The following CFAP90 variants were observed in gnomAD, a reference collection of about 807,000 sequenced individuals.
CFAP90 encodes the protein cilia and flagella associated protein 90.
chr5:7,849,214 G>T, the CFAP90 span, among the ~76,000 whole-genome samples: 1 of 152,316 alleles, frequency 6.6e-6, no homozygotes, highest in Non-Finnish European at 1.5e-5. Flanking sequence ...CTAGAAACAC[G>T]ATTGCTTCTG....
chr5:7,837,805 A>G, the CFAP90 span, among the ~76,000 whole-genome samples: 1 of 152,206 alleles, frequency 6.6e-6, no homozygotes, highest in Non-Finnish European at 1.5e-5. Flanking sequence ...CAACAGTAAC[A>G]TGTGTAAGGC....
chr5:7,846,476 T>A, the CFAP90 span, among the ~76,000 whole-genome samples: 1 of 152,154 alleles, frequency 6.6e-6, no homozygotes, highest in Admixed American at 6.5e-5. Context: ...CATGACACGT[T>A]CTCATTGTGT....
chr5:7,840,263 C>G, the CFAP90 span, among the ~76,000 whole-genome samples: 1 of 152,328 alleles, frequency 6.6e-6, no homozygotes, highest in African/African-American at 2.4e-5. Flanking sequence ...GTTTCCCTCA[C>G]AGTGACCTCC....
the CFAP90 span, among the ~76,000 whole-genome samples, chr5:7,847,754 G>A: frequency 6.6e-6 from 1 of 152,168 alleles, no homozygotes; most frequent in Non-Finnish European, 1.5e-5. Flanking sequence ...CCTTTGGTTA[G>A]TTTGGTCCCA....
At chr5:7,831,934 G>A in the CFAP90 span, 1 of 1,614,154 alleles carries the variant, frequency 6.2e-7, no homozygotes. Flanking sequence ...GCACATGGTT[G>A]GCACGGCCAA....
At chr5:7,832,932 G>T in the CFAP90 span, among the ~76,000 whole-genome samples, 3 of 152,202 alleles carry the variant, frequency 2.0e-5, no homozygotes, top group African/African-American at 7.2e-5. Flanking sequence ...TGCTGGTTAT[G>T]GTGGCTTGGT....
chr5:7,833,572 A>G, the CFAP90 span, among the ~76,000 whole-genome samples: 1 of 152,144 alleles, frequency 6.6e-6, no homozygotes, highest in Non-Finnish European at 1.5e-5. Flanking sequence ...ATATGCCCAC[A>G]CACAAACATA....
chr5:7,833,357 G>A, the CFAP90 span, among the ~76,000 whole-genome samples: 1 of 143,196 alleles, frequency 7.0e-6, no homozygotes, highest in Non-Finnish European at 1.5e-5. Flanking sequence ...ATATATACAT[G>A]TATTCACACA....
At chr5:7,850,845 C>T in the CFAP90 span, 3 of 1,272,474 alleles carry the variant, frequency 2.4e-6, no homozygotes. Flanking sequence ...CCCAGCCTTC[C>T]GGTCTCCGCG....
chr5:7,847,638 GT>G, the CFAP90 span, among the ~76,000 whole-genome samples: 2 of 152,168 alleles, frequency 1.3e-5, no homozygotes, highest in Non-Finnish European at 2.9e-5. Context: ...AGGAGCCTTG[GT>G]TTACTGACCC....
chr5:7,831,558 C>G, the CFAP90 span: 1 of 279,254 alleles, frequency 3.6e-6, no homozygotes, highest in East Asian at 6.1e-5. Context: ...TTCAGGTGCT[C>G]ACAATGAATC....
the CFAP90 span, among the ~76,000 whole-genome samples, chr5:7,843,539 CAG>C: frequency 2.0e-5 from 3 of 152,122 alleles, no homozygotes; most frequent in African/African-American, 7.2e-5. Context: ...TGTTCTGATT[CAG>C]AGAGTTCTAC....
the CFAP90 span, among the ~76,000 whole-genome samples, chr5:7,838,048 C>T: frequency 1.3e-5 from 2 of 152,210 alleles, no homozygotes; most frequent in African/African-American, 4.8e-5. Context: ...CTGATGGCAA[C>T]CTACCCTATA....
the CFAP90 span, among the ~76,000 whole-genome samples, chr5:7,840,034 A>G: frequency 6.6e-6 from 1 of 151,656 alleles, no homozygotes; most frequent in Non-Finnish European, 1.5e-5. Context: ...ACCAGTTGGG[A>G]TTTAGATGCT....
chr5:7,842,768 G>A, the CFAP90 span, among the ~76,000 whole-genome samples: 1 of 152,142 alleles, frequency 6.6e-6, no homozygotes, highest in Non-Finnish European at 1.5e-5. Flanking sequence ...GTGCACCTAT[G>A]TTTAACAACC....
At chr5:7,836,626 G>A in the CFAP90 span, among the ~76,000 whole-genome samples, 2 of 152,178 alleles carry the variant, frequency 1.3e-5, no homozygotes, top group African/African-American at 4.8e-5. Context: ...GCTTGGAGAA[G>A]ATACAATGGT....
chr5:7,848,970 G>A, the CFAP90 span, among the ~76,000 whole-genome samples: 1 of 152,084 alleles, frequency 6.6e-6, no homozygotes, highest in East Asian at 1.9e-4. Flanking sequence ...GTCTTTATTA[G>A]CAGTGTGAGA....
At chr5:7,843,301 G>T in the CFAP90 span, among the ~76,000 whole-genome samples, 1 of 152,142 alleles carries the variant, frequency 6.6e-6, no homozygotes, top group African/African-American at 2.4e-5. Flanking sequence ...GAGGACTGTT[G>T]CTTGCGAAGG....
At chr5:7,844,179 C>A in the CFAP90 span, among the ~76,000 whole-genome samples, 1 of 152,160 alleles carries the variant, frequency 6.6e-6, no homozygotes, top group Non-Finnish European at 1.5e-5. Flanking sequence ...CAGCCCCATT[C>A]CCCCAAGCCC....
Sources: gnomAD v4.1 joint callset for allele counts (sites outside exome capture counted in the v4.1 genomes callset) on GRCh38, gnomAD v4.1.1 for gene constraint, MANE v1.5 for transcripts, NCBI Gene and HGNC (gene_info 2026-07-23, HGNC 2026-07-21) for gene names.